Variants in ZNF487 observed in about 807,000 individuals in gnomAD.
The protein encoded by ZNF487 is KRAB domain only 1.
Under a neutral mutation model 3.0 loss-of-function variants are expected in ZNF487, and 4 were observed. The ratio of observed to expected loss-of-function variants is 1.35; its 90% confidence interval spans 0.66 to 3.08. ZNF487 has a LOEUF of 3.08. Ranked by LOEUF, ZNF487 falls within the 30% of genes most tolerant of loss-of-function variation. ZNF487 has a pLI of 0.01. For synonymous variants in ZNF487, 55 were observed against 34.6 expected (o/e 1.59, Z -2.06); for missense variants, 146 against 98.7 (o/e 1.48, Z -2.03).
At chr10:43,472,218 T>A (rs1840931816) in intron 1 of ZNF487, among the ~76,000 whole-genome samples, 1 of 152,172 alleles carries the variant, frequency 6.6e-6, no homozygotes, top group Non-Finnish European at 1.5e-5. Context: ...ATATGTTAAC[T>A]GTCCACTCTG....
At chr10:43,441,649 C>A (rs375645623) in intron 1 of ZNF487, among the ~76,000 whole-genome samples, 8 of 151,832 alleles carry the variant, frequency 5.3e-5, no homozygotes, top group African/African-American at 1.9e-4. Flanking sequence ...TGCAGTGGTG[C>A]GATCTCGGCT....
chr10:43,455,270 CA>C (rs751867349), intron 1 of ZNF487, among the ~76,000 whole-genome samples: 4 of 152,184 alleles, frequency 2.6e-5, no homozygotes, highest in Non-Finnish European at 4.4e-5. Flanking sequence ...CTCGGCCTCC[CA>C]AAGTGCTGGG....
At chr10:43,446,401 G>C (rs533440249) in intron 1 of ZNF487, among the ~76,000 whole-genome samples, 1 of 150,732 alleles carries the variant, frequency 6.6e-6, no homozygotes, top group African/African-American at 2.4e-5. Context: ...CTTCTCAGAC[G>C]GGGCGGCCGG....
chr10:43,451,690 T>A lies in ZNF487; in HGVS notation c.-94+14428T>A, dbSNP rs997337023. On this transcript the variant is annotated intron_variant, in intron 1 of 3. Transcript: ENST00000437590. ...AAGCAGTTCTCCTGCCTCAGCCTCC[T>A]GAGTAGCTGGGATTACAGGCATGGG... 7.3e-5 allele frequency among the ~76,000 whole-genome samples: 11 copies of A among 151,490 alleles called. 1 individual carries two copies. Among genetic ancestry groups the A allele is most frequent in the Admixed American group, 7.3e-4 (11 of 15,160 alleles).
chr10:43,461,222 G>A (rs984139915), intron 1 of ZNF487, among the ~76,000 whole-genome samples: 2 of 151,718 alleles, frequency 1.3e-5, no homozygotes, highest in Admixed American at 6.6e-5. Context: ...TGTCAGGCTG[G>A]TCTCAAACTT....
chr10:43,459,871 A>G (rs7089290), intron 1 of ZNF487, among the ~76,000 whole-genome samples: 51,483 of 150,396 alleles, frequency 0.34, 10,373 homozygotes, highest in African/African-American at 0.57. Flanking sequence ...GCTCAATCTC[A>G]GCTCACTGCA....
At chr10:43,480,544 T>C (rs1841311388) in intron 3 of ZNF487, among the ~76,000 whole-genome samples, 1 of 152,162 alleles carries the variant, frequency 6.6e-6, no homozygotes, top group South Asian at 2.1e-4. Flanking sequence ...GCCTCCCGAG[T>C]AGCTGGGATT....
At chr10:43,473,234 A>C (rs1294820451) in intron 1 of ZNF487, among the ~76,000 whole-genome samples, 1 of 149,910 alleles carries the variant, frequency 6.7e-6, no homozygotes, top group African/African-American at 2.5e-5. Context: ...CAGCCTCCCG[A>C]GTAGCCATGC....
intron 1 of ZNF487, among the ~76,000 whole-genome samples, chr10:43,463,431 G>C (rs537430139): frequency 6.6e-5 from 10 of 152,050 alleles, no homozygotes; most frequent in Middle Eastern, 3.4e-3. Flanking sequence ...CCAGCTACTC[G>C]GGAGGCTGAG....
intron 1 of ZNF487, among the ~76,000 whole-genome samples, chr10:43,459,902 C>T (rs1054683410): frequency 3.3e-5 from 5 of 150,896 alleles, no homozygotes; most frequent in South Asian, 2.1e-4. Context: ...CCTGGGTTCA[C>T]GCCATTCTCC....
chr10:43,499,461 G>A, the ZNF487 span, among the ~76,000 whole-genome samples: 2 of 152,072 alleles, frequency 1.3e-5, no homozygotes, highest in African/African-American at 2.4e-5. Flanking sequence ...CTGATGCCCA[G>A]GCTGGAGTGC....
chr10:43,469,264 T>C (rs890131966), intron 1 of ZNF487, among the ~76,000 whole-genome samples: 9 of 151,992 alleles, frequency 5.9e-5, no homozygotes, highest in African/African-American at 2.2e-4. Flanking sequence ...TGGTGCGACC[T>C]TGGCTCACTG....
At chr10:43,475,389 C>T (rs1009440115) in intron 1 of ZNF487, among the ~76,000 whole-genome samples, 1 of 151,908 alleles carries the variant, frequency 6.6e-6, no homozygotes, top group Non-Finnish European at 1.5e-5. Flanking sequence ...GTGGTGCGTG[C>T]CTGTTGTCCC....
At chr10:43,472,276 C>G (rs1840933991) in intron 1 of ZNF487, among the ~76,000 whole-genome samples, 1 of 152,166 alleles carries the variant, frequency 6.6e-6, no homozygotes, top group Non-Finnish European at 1.5e-5. Flanking sequence ...ATGATTAAAA[C>G]TGGCCTCTTG....
intron 1 of ZNF487, among the ~76,000 whole-genome samples, chr10:43,471,628 G>T (rs1840912433): frequency 6.6e-6 from 1 of 152,146 alleles, no homozygotes; most frequent in South Asian, 2.1e-4. Flanking sequence ...TCAGCAGAGA[G>T]GGGAACTGGA....
intron 1 of ZNF487, among the ~76,000 whole-genome samples, chr10:43,463,253 T>C (rs1442836008): frequency 2.0e-5 from 3 of 150,986 alleles, no homozygotes; most frequent in African/African-American, 7.3e-5. Context: ...AAATTTTCTT[T>C]TTGGGCCAGG....
At chr10:43,450,430 A>G (rs1420878609) in intron 1 of ZNF487, among the ~76,000 whole-genome samples, 1 of 151,832 alleles carries the variant, frequency 6.6e-6, no homozygotes, top group Non-Finnish European at 1.5e-5. Context: ...TCGGCTCACC[A>G]CAACCTCTGC....
rs12359980 is a variant in ZNF487 at position 43,481,535 on chromosome 10, T to C, written c.237T>C (p.Asn79=). ...ATAAAACACTGACTATGGACAGAAA[T>C]GGTGTATTAGGAAAAACATTTTCTC... The part of the protein sequence containing the change: ...VNNKTLTMDR[N]GVLGKTFSLD... Residue 79 remains asparagine (N), a synonymous_variant, in exon 4 of 4, where the codon AAT becomes AAC. Coordinates refer to ENST00000437590, the MANE Select transcript of ZNF487 (RefSeq NM_001355444.3). 0.18 allele frequency: 128,556 copies of C among 713,886 alleles called. 12,870 individuals are homozygous for C. The highest frequency in any genetic ancestry group is 0.22 in the African/African-American group (12,592 of 57,118). 44.2% of individuals were successfully genotyped at this position (713,886 alleles called of 1,614,324 possible). A position where few individuals can be genotyped will look rare whatever the true frequency, so the allele number is the denominator to read the frequency against.
the ZNF487 span, among the ~76,000 whole-genome samples, chr10:43,498,075 T>TTTTATATA: frequency 8.6e-5 from 3 of 35,022 alleles, no homozygotes; most frequent in South Asian, 1.9e-3. Context: ...ATTTGGTATT[T>TTTTATATA]TATATATATA....
Sources: gnomAD v4.1 joint callset for allele counts (sites outside exome capture counted in the v4.1 genomes callset) on GRCh38, gnomAD v4.1.1 for gene constraint, MANE v1.5 for transcripts, NCBI Gene and HGNC (gene_info 2026-07-23, HGNC 2026-07-21) for gene names.